Variants in PTPRK observed in about 807,000 individuals in gnomAD.
PTPRK encodes receptor-type tyrosine-protein phosphatase kappa.
In PTPRK, 75 loss-of-function variants were observed where a neutral mutation model predicts 178.0. The ratio of observed to expected loss-of-function variants is 0.42; its 90% CI spans 0.35 to 0.51. The LOEUF (loss-of-function observed/expected upper bound fraction) is 0.51, where lower values mean the gene tolerates loss of function less well. PTPRK is among the 20% of genes least tolerant of loss of function. The probability of loss-of-function intolerance (pLI) is 0.02; values close to 1 mark genes in which losing one functional copy is unlikely to be tolerated. For synonymous variants in PTPRK, 637 were observed against 620.6 expected (o/e 1.03, Z -0.39); for missense variants, 1,441 against 1,797.8 (o/e 0.80, Z 3.59).
rs1287001811 is a variant in PTPRK at position 128,017,802 on chromosome 6, G to GTGTATATATATA, written c.2195-8535_2195-8534insTATATATATACA. 3.6e-3 allele frequency among the ~76,000 whole-genome samples: 360 copies of GTGTATATATATA among 101,204 alleles called. 3 individuals carry two copies. The highest frequency in any genetic ancestry group is 0.011 in the African/African-American group (336 of 30,222). The allele number at this position is 101,204 out of a possible 152,430, so 66.4% of individuals were successfully genotyped here. A position where few individuals can be genotyped will look rare whatever the true frequency, so the allele number is the denominator to read the frequency against. On this transcript the variant is annotated intron_variant, in intron 13 of 29. Transcript: ENST00000368226. Reference sequence around the variant, plus strand: ...TACATATATAAATAAATATATATGTGTATATATATATATATATATATATAT... The same window carrying GTGTATATATATA: ...TACATATATAAATAAATATATATGTGTGTATATATATATATATATATATATATATATATATAT...
chr6:128,105,290 C>T (rs866649668), intron 7 of PTPRK, among the ~76,000 whole-genome samples: 8 of 152,124 alleles, frequency 5.3e-5, no homozygotes, highest in East Asian at 1.9e-4. Flanking sequence ...CCCGCCACCA[C>T]GCCCTGCTAT....
chr6:128,185,389 A>G (rs1011351090), intron 6 of PTPRK, among the ~76,000 whole-genome samples: 19 of 152,172 alleles, frequency 1.2e-4, no homozygotes, highest in African/African-American at 4.3e-4. Context: ...ATTCTGCTTG[A>G]AAGAAACTTT....
At chr6:128,211,071 T>A (rs1023838409) in intron 6 of PTPRK, among the ~76,000 whole-genome samples, 5 of 152,068 alleles carry the variant, frequency 3.3e-5, no homozygotes, top group Non-Finnish European at 7.4e-5. Flanking sequence ...AGTGTAAAAG[T>A]CACTGTATTT....
At chr6:128,427,261 A>G (rs1844256579) in intron 1 of PTPRK, among the ~76,000 whole-genome samples, 2 of 152,334 alleles carry the variant, frequency 1.3e-5, no homozygotes, top group South Asian at 4.1e-4. Context: ...GAATACTTTA[A>G]GAGGTGTTAT....
At chr6:128,520,206 C>A in intron 1 of PTPRK, 53 bp downstream of exon 1, 1 of 1,479,428 alleles carries the variant, frequency 6.8e-7, no homozygotes. Flanking sequence ...TGGCTCACCC[C>A]TCGTGAGCCC....
chr6:128,308,950 G>C (rs1826842983), intron 3 of PTPRK, among the ~76,000 whole-genome samples: 1 of 152,126 alleles, frequency 6.6e-6, no homozygotes, highest in African/African-American at 2.4e-5. Context: ...CAAAGATTCA[G>C]GAGAAGGCAG....
chr6:128,413,977 G>C (rs559640216), intron 1 of PTPRK, among the ~76,000 whole-genome samples: 21 of 152,124 alleles, frequency 1.4e-4, no homozygotes, highest in African/African-American at 4.8e-4. Context: ...AAAGAAAAGA[G>C]AAACTATAGT....
chr6:128,484,057 C>G (rs1584926183), intron 1 of PTPRK, among the ~76,000 whole-genome samples: 1 of 152,030 alleles, frequency 6.6e-6, no homozygotes, highest in East Asian at 1.9e-4. Flanking sequence ...CATATCCTAG[C>G]TACTGACCAA....
intron 7 of PTPRK, among the ~76,000 whole-genome samples, chr6:128,091,850 C>T (rs192286640): frequency 3.9e-5 from 6 of 152,300 alleles, no homozygotes; most frequent in Non-Finnish European, 7.4e-5. Context: ...TCCGCACTTA[C>T]TCTGCATTTT....
intron 6 of PTPRK, among the ~76,000 whole-genome samples, chr6:128,198,943 TAAG>T (rs1261347173): frequency 6.6e-6 from 1 of 152,146 alleles, no homozygotes; most frequent in African/African-American, 2.4e-5. Flanking sequence ...AGTATTAACA[TAAG>T]AAGATAATTA....
intron 25 of PTPRK, among the ~76,000 whole-genome samples, chr6:127,980,911 C>T (rs1411355618): frequency 6.6e-6 from 1 of 152,098 alleles, no homozygotes; most frequent in African/African-American, 2.4e-5. Flanking sequence ...TCCAAATCTA[C>T]AATAAAGCTA....
chr6:128,283,646 T>C (rs954548606), intron 3 of PTPRK, among the ~76,000 whole-genome samples: 1 of 152,082 alleles, frequency 6.6e-6, no homozygotes, highest in Non-Finnish European at 1.5e-5. Context: ...AAAAATAATA[T>C]AAATAGAAGC....
rs558563573 is a variant in PTPRK, at chr6:128,002,912, C to T, written c.2494+2172G>A. Among the ~76,000 whole-genome samples, 168 of 151,998 alleles carry T rather than the reference C, an allele frequency of 1.1e-3. 1 individual carries two copies. The highest frequency in any genetic ancestry group is 3.8e-3 in the African/African-American group (156 of 41,520). ...GATGTATGCATTTGGCTTCATTCTA[C>T]TAATTTTGACACATTAATATTAGTC... On this transcript the variant is annotated intron_variant, in intron 15 of 29. Coordinates refer to ENST00000368226, the MANE Select transcript of PTPRK (RefSeq NM_002844.4).
chr6:128,100,614 T>C (rs1016651282), intron 7 of PTPRK, among the ~76,000 whole-genome samples: 4 of 152,142 alleles, frequency 2.6e-5, no homozygotes, highest in African/African-American at 7.2e-5. Flanking sequence ...TGATCTTTGT[T>C]TCCTATGAAA....
chr6:128,231,338 CT>C (rs1284140087), intron 5 of PTPRK, among the ~76,000 whole-genome samples: 1 of 152,190 alleles, frequency 6.6e-6, no homozygotes, highest in East Asian at 1.9e-4. Flanking sequence ...TCAGAATTAA[CT>C]GTAAACCAGT....
chr6:127,978,139 T>C (rs1016725751), intron 25 of PTPRK, among the ~76,000 whole-genome samples: 5 of 152,224 alleles, frequency 3.3e-5, no homozygotes, highest in African/African-American at 9.6e-5. Flanking sequence ...TTTACCTGGC[T>C]ACTTCTAAAT....
At chr6:128,405,050 AACTTT>A (rs1244253447) in intron 1 of PTPRK, among the ~76,000 whole-genome samples, 1 of 152,186 alleles carries the variant, frequency 6.6e-6, no homozygotes, top group Non-Finnish European at 1.5e-5. Context: ...ACATGTGGTA[AACTTT>A]GAACCATATA....
intron 6 of PTPRK, among the ~76,000 whole-genome samples, chr6:128,191,239 CAG>C (rs1333836086): frequency 6.6e-6 from 1 of 152,082 alleles, no homozygotes; most frequent in South Asian, 2.1e-4. Context: ...TTCAGCTAAA[CAG>C]AGTTTCTTCA....
At chr6:128,430,362 C>G (rs1046930605) in intron 1 of PTPRK, among the ~76,000 whole-genome samples, 1 of 152,136 alleles carries the variant, frequency 6.6e-6, no homozygotes, top group African/African-American at 2.4e-5. Context: ...TCTAAAGTAA[C>G]TAATGAAGAT....
Sources: allele counts gnomAD v4.1 joint callset (sites outside exome capture counted in the v4.1 genomes callset), GRCh38; gene constraint gnomAD v4.1.1; transcripts MANE v1.5; gene names NCBI Gene and HGNC (gene_info 2026-07-23, HGNC 2026-07-21).